The following TXNRD1 variants were observed in gnomAD, a reference collection of about 807,000 sequenced individuals.
TXNRD1 encodes thioredoxin reductase 1.
In TXNRD1, 57 loss-of-function variants were observed where a neutral mutation model predicts 80.3. The observed-to-expected ratio is 0.71, with a 90% CI of 0.57 to 0.89. The LOEUF (loss-of-function observed/expected upper bound fraction) is 0.89, where lower values mean the gene tolerates loss of function less well. Ranked by LOEUF, TXNRD1 falls within the 40% of genes least tolerant of loss-of-function variation. The pLI is 0.00. For missense variants in TXNRD1, 730 were observed against 803.0 expected (o/e 0.91, Z 1.10); for synonymous variants, 291 against 285.2 (o/e 1.02, Z -0.20).
Position 104,309,944 on chromosome 12 carries a change from C to T in TXNRD1, c.415-1346C>T, listed in dbSNP as rs555535262. The T allele has an allele frequency of 1.2e-4, 182 of 1,536,116 alleles. 1 individual carries two copies. The highest frequency in any genetic ancestry group is 1.2e-3 in the Middle Eastern group (7 of 5,990). On this transcript the variant is annotated intron_variant, in intron 4 of 16. Coordinates refer to ENST00000525566, the MANE Select transcript of TXNRD1 (RefSeq NM_001093771.3). ...GCCACTACGTATGCCCGCCATGCTG[C>T]CAACAGGTAGCCACAGTGCTGTGCT...
At chr12:104,254,241 C>T (rs2033189824) in intron 2 of TXNRD1, among the ~76,000 whole-genome samples, 1 of 152,024 alleles carries the variant, frequency 6.6e-6, no homozygotes, top group Admixed American at 6.6e-5. Flanking sequence ...ATAGAACATA[C>T]CTGAGACATA....
rs2033850378 is a variant in TXNRD1, at chr12:104,280,309, G to C, written c.305-8622G>C. ...CTTATAGGATTTCTTGGCAGTGCTT[G>C]AAATAGTTGATCTTCCTTTTTGGAG... is the stretch of plus-strand genomic sequence containing the variant. On this transcript the variant is annotated intron_variant, in intron 3 of 16. Coordinates refer to ENST00000525566, the MANE Select transcript of TXNRD1 (RefSeq NM_001093771.3). 2.0e-5 allele frequency: 3 copies of C among 152,170 alleles called. No homozygotes were observed. The South Asian group carries it at 6.2e-4, about 32-fold the overall frequency. 9.4% of individuals were successfully genotyped at this position (152,170 alleles called of 1,614,324 possible).
chr12:104,313,291 C>T lies in TXNRD1; in HGVS notation c.584C>T (p.Thr195Ile), dbSNP rs374176114. 11 of 1,591,878 alleles carry T rather than the reference C, an allele frequency of 6.9e-6. No homozygotes were observed. Among genetic ancestry groups the T allele is most frequent in the African/African-American group, 5.4e-5 (4 of 74,520 alleles). ...AAGGTGATGGTCCTGGACTTTGTCACTCCCACCCCTCTTGGAACTAGATGG... is the reference window on the plus strand; with the variant it reads ...AAGGTGATGGTCCTGGACTTTGTCATTCCCACCCCTCTTGGAACTAGATGG... ...GKKVMVLDFV[T>I]PTPLGTRWGL... Residue 195 changes from threonine to isoleucine, a missense_variant, in exon 6 of 17, where the codon ACT becomes ATT. Physicochemically the swap from Thr to Ile is moderately conservative, Grantham distance 89. Transcript: ENST00000525566.
At chr12:104,253,798 T>C (rs929117804) in intron 2 of TXNRD1, among the ~76,000 whole-genome samples, 1 of 152,082 alleles carries the variant, frequency 6.6e-6, no homozygotes, top group Non-Finnish European at 1.5e-5. Context: ...GTTCAAGTGA[T>C]TCTCCTGCCT....
intron 1 of TXNRD1, among the ~76,000 whole-genome samples, chr12:104,244,648 C>T (rs1282587819): frequency 1.3e-5 from 2 of 152,166 alleles, no homozygotes; most frequent in East Asian, 3.8e-4. Context: ...ACTATTTCTA[C>T]ATTATTTTGA....
At chr12:104,266,524 CAAAAA>C (rs60829935) in intron 3 of TXNRD1, among the ~76,000 whole-genome samples, 10 of 111,496 alleles carry the variant, frequency 9.0e-5, no homozygotes, top group South Asian at 6.0e-4. Context: ...GAATTCATCT[CAAAAA>C]AAAAAAAAAA....
intron 1 of TXNRD1, among the ~76,000 whole-genome samples, chr12:104,237,551 G>A (rs527755305): frequency 6.6e-6 from 1 of 152,130 alleles, no homozygotes; most frequent in Non-Finnish European, 1.5e-5. Flanking sequence ...CCTAAAAAAC[G>A]CATACTACCC....
chr12:104,263,047 G>A (rs2033402689), intron 3 of TXNRD1, among the ~76,000 whole-genome samples: 1 of 152,056 alleles, frequency 6.6e-6, no homozygotes, highest in Non-Finnish European at 1.5e-5. Flanking sequence ...CAACCATCAG[G>A]GTCCACTGAG....
intron 15 of TXNRD1, among the ~76,000 whole-genome samples, chr12:104,337,830 A>T (rs1157602910): frequency 6.6e-6 from 1 of 151,748 alleles, no homozygotes; most frequent in Non-Finnish European, 1.5e-5. Context: ...TTTATCACCC[A>T]GGATAGAGTG....
At chr12:104,332,867 G>C (rs2036006461) in intron 14 of TXNRD1, among the ~76,000 whole-genome samples, 1 of 149,634 alleles carries the variant, frequency 6.7e-6, no homozygotes, top group Non-Finnish European at 1.5e-5. Context: ...TAATATTTTT[G>C]TGTATTTCCT....
chr12:104,235,878 A>G (rs1242038918), intron 1 of TXNRD1, among the ~76,000 whole-genome samples: 2 of 152,174 alleles, frequency 1.3e-5, no homozygotes, highest in Admixed American at 1.3e-4. Flanking sequence ...CAATTTTACA[A>G]TGGTGGCTGT....
rs142258976 is a variant in TXNRD1 at position 104,299,659 on chromosome 12, C to T, written c.414+10619C>T. 3.3e-4 allele frequency among the ~76,000 whole-genome samples: 49 copies of T among 149,634 alleles called. 1 individual carries two copies. The East Asian group carries it at 9.1e-3, about 28-fold the overall frequency. ...ACTCGTGCCTGTAATCCCAGCTACT[C>T]GGGAGGCTGAGGCAGGAGAATCACT... On this transcript the variant is annotated intron_variant, in intron 4 of 16. Coordinates refer to ENST00000525566, the MANE Select transcript of TXNRD1 (RefSeq NM_001093771.3).
At chr12:104,267,699 T>TTCTTTCTTTCTTTCTTTCTC (rs1555209251) in intron 3 of TXNRD1, among the ~76,000 whole-genome samples, 650 of 46,256 alleles carry the variant, frequency 0.014, 6 homozygotes, top group Admixed American at 0.022. Context: ...CTTTCTTTCT[T>TTCTTTCTTTCTTTCTTTCTC]TCTCTCTTTC....
intron 6 of TXNRD1, among the ~76,000 whole-genome samples, chr12:104,314,780 C>T (rs1225553619): frequency 1.5e-5 from 2 of 134,962 alleles, no homozygotes; most frequent in African/African-American, 5.6e-5. Context: ...CTCGCTCTGT[C>T]GCCCGGGCTG....
Position 104,231,730 on chromosome 12 carries a change from A to T in TXNRD1, c.91+15837A>T, listed in dbSNP as rs544993351. On this transcript the variant is annotated intron_variant, in intron 1 of 16. Transcript: ENST00000525566. Reference sequence around the variant, plus strand: ...TCCCAAACAAAGAAACCTCTGGGTTATGGGCACCCTACTCACTTTCATTAC... The same window carrying T: ...TCCCAAACAAAGAAACCTCTGGGTTTTGGGCACCCTACTCACTTTCATTAC... 3.9e-5 allele frequency among the ~76,000 whole-genome samples: 6 copies of T among 152,334 alleles called. No individual in the cohort carries two copies. The East Asian group carries it at 1.2e-3, about 29-fold the overall frequency.
At chr12:104,333,357 G>T (rs372769142) in intron 14 of TXNRD1, among the ~76,000 whole-genome samples, 24 of 152,052 alleles carry the variant, frequency 1.6e-4, no homozygotes, top group African/African-American at 5.8e-4. Flanking sequence ...GAAGTATAAC[G>T]TGTTTGAGTT....
intron 4 of TXNRD1, chr12:104,304,106 A>G (rs1319406799): frequency 1.9e-6 from 3 of 1,614,036 alleles, no homozygotes; most frequent in Non-Finnish European, 2.5e-6. Flanking sequence ...CCGGGAGGAC[A>G]TCGTGAGCTC....
At chr12:104,251,726 C>G (rs753641821) in intron 2 of TXNRD1, 48 bp downstream of exon 2, 1 of 1,591,344 alleles carries the variant, frequency 6.3e-7, no homozygotes, top group South Asian at 1.1e-5. Context: ...AGGAATTTGA[C>G]AGACTTTTGA....
chr12:104,326,551 C>G, intron 12 of TXNRD1, 128 bp downstream of exon 12: 2 of 557,744 alleles, frequency 3.6e-6, no homozygotes, highest in South Asian at 2.3e-5. Flanking sequence ...CTGCAACCTC[C>G]GTCCCCTGGG....
Sources: allele counts gnomAD v4.1 joint callset (sites outside exome capture counted in the v4.1 genomes callset), GRCh38; gene constraint gnomAD v4.1.1; transcripts MANE v1.5; gene names NCBI Gene and HGNC (gene_info 2026-07-23, HGNC 2026-07-21).